EXOC7: variants seen among roughly 807,000 people sequenced by gnomAD.
EXOC7 encodes the protein exocyst complex component Exo70.
In EXOC7, 51 loss-of-function variants were observed where a neutral mutation model predicts 87.6. The ratio of observed to expected loss-of-function variants is 0.58; its 90% CI spans 0.46 to 0.73. EXOC7 has a LOEUF of 0.73. Ranked by LOEUF, EXOC7 falls within the 30% of genes least tolerant of loss-of-function variation. EXOC7 has a pLI of 0.00. For missense variants in EXOC7, 744 were observed against 888.4 expected (o/e 0.84, Z 2.07); for synonymous variants, 327 against 357.1 (o/e 0.92, Z 0.95).
intron 3 of EXOC7, 109 bp from the exon 4 acceptor site, chr17:76,101,485 A>G: frequency 6.8e-7 from 1 of 1,472,002 alleles, no homozygotes; most frequent in East Asian, 2.3e-5. Context: ...AGGCTCAAAT[A>G]TATTCTATCC....
intron 6 of EXOC7, 109 bp from the exon 7 acceptor site, chr17:76,091,344 C>T: frequency 2.4e-6 from 2 of 826,878 alleles, no homozygotes; most frequent in East Asian, 2.5e-5. Context: ...AGCTCCCCAA[C>T]AGTGAGCAGG....
intron 7 of EXOC7, chr17:76,090,521 A>C (rs1241734429): frequency 2.0e-6 from 3 of 1,536,278 alleles, no homozygotes; most frequent in East Asian, 4.9e-5. Context: ...GGGATGGGGA[A>C]GGGGGCATCG....
chr17:76,091,360 C>G (rs2067473248), intron 6 of EXOC7, 125 bp from the exon 7 acceptor site: 2 of 706,890 alleles, frequency 2.8e-6, no homozygotes, highest in Middle Eastern at 2.7e-4. Context: ...GCAGGCCTTT[C>G]CCTGAGACCA....
chr17:76,085,695 A>G lies in EXOC7; in HGVS notation c.1598T>C (p.Ile533Thr), dbSNP rs1277436538. 7.4e-6 allele frequency: 12 copies of G among 1,613,964 alleles called. No individual in the cohort carries two copies. The highest frequency in any genetic ancestry group is 2.2e-5 in the East Asian group (1 of 44,898). Residue 533 changes from isoleucine (I) to threonine (T), a missense_variant, in exon 14 of 19, where the codon ATC (isoleucine) becomes ACC (threonine). Transcript: ENST00000589210. ...AIFLHNNYNYILKSLEKSELI... is the reference protein window; with the variant it reads ...AIFLHNNYNYTLKSLEKSELI... ...CACTTACTTCTCCAGGGACTTGAGG[A>G]TGTAATTGTAGTTGTTGTGCAGGAA...
intron 5 of EXOC7, among the ~76,000 whole-genome samples, chr17:76,097,063 G>A (rs1288745619): frequency 6.6e-6 from 1 of 151,982 alleles, no homozygotes; most frequent in Non-Finnish European, 1.5e-5. Flanking sequence ...TGTTGGCCAG[G>A]TCTCGAACTC....
intron 2 of EXOC7, among the ~76,000 whole-genome samples, chr17:76,102,099 T>C (rs2068091207): frequency 6.6e-6 from 1 of 152,156 alleles, no homozygotes; most frequent in African/African-American, 2.4e-5. Flanking sequence ...AAACCAAGCA[T>C]CAAATTAATT....
At chr17:76,094,282 T>G (rs897719753) in intron 6 of EXOC7, 132 bp downstream of exon 6, 22 of 946,960 alleles carry the variant, frequency 2.3e-5, no homozygotes, top group South Asian at 5.3e-5. Context: ...CTGTCCTGTG[T>G]ACCTACAGTC....
At chr17:76,090,857 C>T in intron 7 of EXOC7, 1 of 534,846 alleles carries the variant, frequency 1.9e-6, no homozygotes, top group Non-Finnish European at 3.3e-6. Flanking sequence ...TGCCCCAAGA[C>T]AAATAACTTT....
At chr17:76,087,944 G>C in intron 11 of EXOC7, 116 bp downstream of exon 11, 1 of 1,214,220 alleles carries the variant, frequency 8.2e-7, no homozygotes, top group Non-Finnish European at 1.2e-6. Context: ...TGCTCACAAA[G>C]GTGCGAGCGG....
chr17:76,084,822 C>A (rs2067138478), intron 15 of EXOC7: 1 of 563,660 alleles, frequency 1.8e-6, no homozygotes, highest in Non-Finnish European at 3.2e-6. Context: ...GTCAACTATA[C>A]TTCACATCAA....
At chr17:76,103,542 C>T in intron 1 of EXOC7, 91 bp downstream of exon 1, 1 of 1,579,016 alleles carries the variant, frequency 6.3e-7, no homozygotes, top group Non-Finnish European at 8.6e-7. Context: ...CGCTCCCTCC[C>T]ACCCCTGCCT....
Position 76,082,258 on chromosome 17 carries a change from A to C in EXOC7, c.*1390T>G. On this transcript the variant is annotated 3_prime_UTR_variant, in exon 19 of 19. Coordinates refer to ENST00000589210, the MANE Select transcript of EXOC7 (RefSeq NM_001013839.4). ...CCTCCCTGAAGTCCCAGGTGACCTC[A>C]ATCCCCTGATAACCCATGCCTTGCA... 1 of 774,416 alleles carries C rather than the reference A, an allele frequency of 1.3e-6. No individual in the cohort carries two copies. The highest frequency in any genetic ancestry group is 2.7e-5 in the East Asian group (1 of 36,692). 48.0% of individuals were successfully genotyped at this position (774,416 alleles called of 1,614,324 possible).
chr17:76,090,503 G>A lies in EXOC7; in HGVS notation c.901+640C>T, dbSNP rs1456838019. 35 of 1,549,020 alleles carry A rather than the reference G, an allele frequency of 2.3e-5. No homozygotes were observed. The Admixed American group carries it at 2.6e-4, about 11-fold the overall frequency. ...AGCCCTTCATCTCCAGGAGGGGGACGTCAGATGGGGATGGGGAAGGGGGCA... is the reference window on the plus strand; with the variant it reads ...AGCCCTTCATCTCCAGGAGGGGGACATCAGATGGGGATGGGGAAGGGGGCA... On this transcript the variant is annotated intron_variant, in intron 7 of 18. Coordinates refer to ENST00000589210, the MANE Select transcript of EXOC7 (RefSeq NM_001013839.4).
At chr17:76,084,649 G>T in intron 15 of EXOC7, 69 bp from the exon 16 acceptor site, 1 of 1,431,166 alleles carries the variant, frequency 7.0e-7, no homozygotes. Flanking sequence ...TGTTTCGTTT[G>T]CTAAATCTCT....
At position 76,081,079 on chromosome 17, in the gene EXOC7, T is replaced by C; in HGVS notation, c.*2569A>G. On this transcript the variant is annotated 3_prime_UTR_variant, in exon 19 of 19. Coordinates refer to ENST00000589210, the MANE Select transcript of EXOC7 (RefSeq NM_001013839.4). The stretch of plus-strand genomic sequence containing the variant: ...CTCATCTATGAATCTGATAAAGGCC[T>C]TCCTTCAACTGGAGACAATTTGGGA... The C allele has an allele frequency of 1.6e-6, 1 of 621,138 alleles. No homozygotes were observed. The highest frequency in any genetic ancestry group is 2.8e-6 in the Non-Finnish European group (1 of 355,768). 38.5% of individuals were successfully genotyped at this position (621,138 alleles called of 1,614,324 possible).
Position 76,081,068 on chromosome 17 carries a change from T to C in EXOC7, c.*2580A>G. 1 of 579,680 alleles carries C rather than the reference T, an allele frequency of 1.7e-6. No homozygotes were observed. The highest frequency in any genetic ancestry group is 1.9e-5 in the African/African-American group (1 of 53,280). 35.9% of individuals were successfully genotyped at this position (579,680 alleles called of 1,614,324 possible). On this transcript the variant is annotated 3_prime_UTR_variant, in exon 19 of 19. Transcript: ENST00000589210. Reference sequence around the variant, plus strand: ...TACAATGAAAGCTCATCTATGAATCTGATAAAGGCCTTCCTTCAACTGGAG... The same window carrying C: ...TACAATGAAAGCTCATCTATGAATCCGATAAAGGCCTTCCTTCAACTGGAG...
chr17:76,088,002 G>T, intron 11 of EXOC7, 58 bp downstream of exon 11: 1 of 1,589,888 alleles, frequency 6.3e-7, no homozygotes, highest in Non-Finnish European at 8.6e-7. Flanking sequence ...CCTGGCCCTG[G>T]GCCTGGGCCT....
intron 6 of EXOC7, 72 bp from the exon 7 acceptor site, chr17:76,091,307 T>C: frequency 1.5e-6 from 2 of 1,335,516 alleles, no homozygotes; most frequent in Non-Finnish European, 2.2e-6. Context: ...GCAGCGGCCC[T>C]CCACCTGCCC....
At position 76,101,732 on chromosome 17, in the gene EXOC7, A is replaced by G; in HGVS notation, c.258T>C (p.His86=). The change falls in exon 3 of 19, where the codon CAT becomes CAC. Residue 86 remains histidine, a synonymous_variant. Coordinates refer to ENST00000589210, the MANE Select transcript of EXOC7 (RefSeq NM_001013839.4). ...TGGCCACATGGTAGTAGCTGATGAC[A>G]TGGTCCAGGCAGGACAGCGTCTTCT... is the stretch of plus-strand genomic sequence containing the variant. ...NVEKTLSCLD[H]VISYYHVASD... is the part of the protein sequence containing the mutation. The G allele has an allele frequency of 6.2e-7, 1 of 1,614,068 alleles. No homozygotes were observed. The highest frequency in any genetic ancestry group is 1.7e-5 in the Admixed American group (1 of 60,000).
Sources: gnomAD v4.1 joint callset for allele counts (sites outside exome capture counted in the v4.1 genomes callset) on GRCh38, gnomAD v4.1.1 for gene constraint, MANE v1.5 for transcripts, NCBI Gene and HGNC (gene_info 2026-07-23, HGNC 2026-07-21) for gene names.